SLC30A8: variants seen among roughly 807,000 people sequenced by gnomAD.
SLC30A8 encodes the protein proton-coupled zinc antiporter SLC30A8.
In SLC30A8, 27 loss-of-function variants were observed where a neutral mutation model predicts 36.9. That is an observed-to-expected ratio of 0.73 (90% CI 0.54 to 1.01). The LOEUF (loss-of-function observed/expected upper bound fraction) is 1.01, where lower values mean the gene tolerates loss of function less well. SLC30A8 is among the 50% of genes least tolerant of loss of function. The probability of loss-of-function intolerance (pLI) is 0.00; values close to 1 mark genes in which losing one functional copy is unlikely to be tolerated. For synonymous variants in SLC30A8, 164 were observed against 172.4 expected, an observed-to-expected ratio of 0.95 and a Z score of 0.38; for missense variants, 439 against 452.0, an observed-to-expected ratio of 0.97 and a Z score of 0.26.
intron 1 of SLC30A8, among the ~76,000 whole-genome samples, chr8:117,012,684 A>ATGTG (rs141407793): frequency 7.5e-6 from 1 of 133,348 alleles, no homozygotes; most frequent in African/African-American, 2.7e-5. Flanking sequence ...GTGTGTGTGC[A>ATGTG]TGTGTGTGTG....
intron 1 of SLC30A8, among the ~76,000 whole-genome samples, chr8:116,988,379 A>G (rs562591887): frequency 1.3e-5 from 2 of 152,320 alleles, no homozygotes; most frequent in Admixed American, 1.3e-4. Flanking sequence ...TCTGCTGGCT[A>G]GCAATCCAGT....
At chr8:117,119,652 A>G (rs1820603439) in intron 2 of SLC30A8, among the ~76,000 whole-genome samples, 2 of 151,978 alleles carry the variant, frequency 1.3e-5, no homozygotes, top group African/African-American at 2.4e-5. Context: ...CATGGCTAAT[A>G]TATAACGCCT....
At chr8:117,167,994 C>T (rs1823149793) in intron 6 of SLC30A8, among the ~76,000 whole-genome samples, 1 of 152,032 alleles carries the variant, frequency 6.6e-6, no homozygotes, top group African/African-American at 2.4e-5. Context: ...TAGCAGCAGG[C>T]AAGAGAGCTT....
In SLC30A8 at chr8:117,043,588, G is replaced by T. The variant is rs564216389; in HGVS notation, c.-226+4330G>T. Among the ~76,000 whole-genome samples, 11 of 152,166 alleles carry T rather than the reference G, an allele frequency of 7.2e-5. No homozygotes were observed. In the East Asian group the frequency reaches 2.1e-3, roughly 29 times the overall value. Reference sequence around the variant, plus strand: ...CAGAATAACTTGACTATAAAACAGGGGTATTTTAACTTGATCCCATAAGGT... The same window carrying T: ...CAGAATAACTTGACTATAAAACAGGTGTATTTTAACTTGATCCCATAAGGT... On this transcript the variant is annotated intron_variant, in intron 2 of 10. Coordinates refer to the SLC30A8 transcript ENST00000427715.
At chr8:117,123,308 A>C (rs1820760152) in intron 2 of SLC30A8, among the ~76,000 whole-genome samples, 1 of 152,044 alleles carries the variant, frequency 6.6e-6, no homozygotes, top group Non-Finnish European at 1.5e-5. Context: ...TTAATGTTTT[A>C]AAAATGTAAT....
intron 3 of SLC30A8, among the ~76,000 whole-genome samples, chr8:117,153,566 T>C (rs758557511): frequency 2.6e-5 from 4 of 152,148 alleles, no homozygotes; most frequent in Non-Finnish European, 5.9e-5. Context: ...ATTGGTCCAA[T>C]TGAATATCTT....
intron 1 of SLC30A8, among the ~76,000 whole-genome samples, chr8:117,032,298 A>G (rs1817079771): frequency 6.6e-6 from 1 of 152,190 alleles, no homozygotes; most frequent in African/African-American, 2.4e-5. Flanking sequence ...TAGCTAGATC[A>G]TGAGTTCTCT....
chr8:117,018,253 AATAAATACATACATAC>A (rs1452619396), intron 1 of SLC30A8: 3 of 121,434 alleles, frequency 2.5e-5, no homozygotes, highest in Non-Finnish European at 6.1e-5. Context: ...GTCTCTTATA[AATAAATACATACATAC>A]ATACATACAT....
At chr8:116,985,329 CACACAAGT>C (rs765883491) in intron 1 of SLC30A8, among the ~76,000 whole-genome samples, 62 of 139,934 alleles carry the variant, frequency 4.4e-4, no homozygotes, top group South Asian at 2.4e-3. Context: ...CACACACACA[CACACAAGT>C]ATGTATATCT....
chr8:117,113,206 A>G (rs1820306048), intron 2 of SLC30A8, among the ~76,000 whole-genome samples: 1 of 152,186 alleles, frequency 6.6e-6, no homozygotes, highest in South Asian at 2.1e-4. Context: ...TTGTATGCAC[A>G]TGAAAGTTTG....
chr8:117,138,980 A>G (rs1436847819), intron 1 of SLC30A8, among the ~76,000 whole-genome samples: 1 of 152,086 alleles, frequency 6.6e-6, no homozygotes, highest in Non-Finnish European at 1.5e-5. Flanking sequence ...GCATAGGGAC[A>G]CTGTTGAAAA....
chr8:117,157,930 A>G, intron 4 of SLC30A8, 86 bp downstream of exon 4: 6 of 1,447,148 alleles, frequency 4.1e-6, no homozygotes, highest in Middle Eastern at 2.3e-4. Flanking sequence ...AAAACTCAGT[A>G]CATGTGAAGA....
intron 2 of SLC30A8, among the ~76,000 whole-genome samples, chr8:117,080,358 A>T (rs1260840443): frequency 6.6e-6 from 1 of 151,518 alleles, no homozygotes; most frequent in Non-Finnish European, 1.5e-5. Context: ...AGATTCGGGG[A>T]TACACACGTA....
intron 2 of SLC30A8, among the ~76,000 whole-genome samples, chr8:117,045,930 C>A (rs13251749): frequency 1.3e-5 from 2 of 149,230 alleles, no homozygotes; most frequent in South Asian, 4.2e-4. Context: ...TTTTTTTTTT[C>A]CCCCTTCTTT....
chr8:117,029,160 T>C (rs1425879800), intron 1 of SLC30A8, among the ~76,000 whole-genome samples: 4 of 152,200 alleles, frequency 2.6e-5, no homozygotes, highest in Non-Finnish European at 5.9e-5. Flanking sequence ...ACTTTGACCC[T>C]GCCAGGATTA....
intron 2 of SLC30A8, among the ~76,000 whole-genome samples, chr8:117,085,000 T>A (rs573652791): frequency 6.6e-6 from 1 of 152,250 alleles, no homozygotes; most frequent in South Asian, 2.1e-4. Flanking sequence ...GATTTTTTTT[T>A]AAATGTTCAA....
chr8:117,047,412 G>T lies in SLC30A8; in HGVS notation c.-226+8154G>T, dbSNP rs181896542. Among the ~76,000 whole-genome samples, 925 of 152,152 alleles carry T rather than the reference G, an allele frequency of 6.1e-3. 2 individuals are homozygous for T. Among genetic ancestry groups the T allele is most frequent in the Non-Finnish European group, 0.011 (734 of 68,014 alleles). On this transcript the variant is annotated intron_variant, in intron 2 of 10. Coordinates refer to the SLC30A8 transcript ENST00000427715. Reference sequence around the variant, plus strand: ...CCCTAATTCTTCCTCCAAACTAGAGGGAATGGAATATAAATAATATTTGCA... The same window carrying T: ...CCCTAATTCTTCCTCCAAACTAGAGTGAATGGAATATAAATAATATTTGCA...
At chr8:117,031,212 T>TACA (rs33952693) in intron 1 of SLC30A8, among the ~76,000 whole-genome samples, 1 of 152,136 alleles carries the variant, frequency 6.6e-6, no homozygotes, top group Non-Finnish European at 1.5e-5. Context: ...ATACTATATT[T>TACA]TGTATGCACA....
chr8:116,987,047 A>C (rs1202743557), intron 1 of SLC30A8, among the ~76,000 whole-genome samples: 17 of 152,286 alleles, frequency 1.1e-4, no homozygotes, highest in Middle Eastern at 6.8e-3. Context: ...TAGCGCACTG[A>C]CAATGGCACA....
Sources: allele counts gnomAD v4.1 joint callset (sites outside exome capture counted in the v4.1 genomes callset), GRCh38; gene constraint gnomAD v4.1.1; transcripts MANE v1.5; gene names NCBI Gene and HGNC (gene_info 2026-07-23, HGNC 2026-07-21).